Variants in RPA2 observed in about 807,000 individuals in gnomAD.
The protein encoded by RPA2 is replication protein A 32 kDa subunit.
Under a neutral mutation model 33.4 loss-of-function variants are expected in RPA2, and 22 were observed. The observed-to-expected ratio is 0.66, with a 90% CI of 0.47 to 0.94. The LOEUF (loss-of-function observed/expected upper bound fraction) is 0.94, where lower values mean the gene tolerates loss of function less well. Among genes scored for constraint, RPA2 ranks in the 40% least tolerant of loss-of-function variants. RPA2 has a pLI of 0.00. For missense variants in RPA2, 279 were observed against 329.9 expected (o/e 0.85, Z 1.19); for synonymous variants, 109 against 114.9 (o/e 0.95, Z 0.33).
At chr1:27,903,749 C>T (rs1254379170) in intron 4 of RPA2, among the ~76,000 whole-genome samples, 1 of 150,444 alleles carries the variant, frequency 6.6e-6, no homozygotes, top group Non-Finnish European at 1.5e-5. Context: ...AGCTCCTCAC[C>T]AGGCACGGTG....
intron 4 of RPA2, among the ~76,000 whole-genome samples, chr1:27,901,479 C>T (rs906669100): frequency 6.6e-6 from 1 of 151,912 alleles, no homozygotes; most frequent in African/African-American, 2.4e-5. Context: ...TCTCCTGCCT[C>T]AGCCTCCCAA....
At position 27,892,050 on chromosome 1, in the gene RPA2, A is replaced by T; in HGVS notation, c.*113T>A. The T allele has an allele frequency of 1.4e-6, 1 of 715,576 alleles. No individual in the cohort carries two copies. The highest frequency in any genetic ancestry group is 2.4e-6 in the Non-Finnish European group (1 of 420,556). 44.3% of individuals were successfully genotyped at this position (715,576 alleles called of 1,614,324 possible). On this transcript the variant is annotated 3_prime_UTR_variant, in exon 9 of 9. Coordinates refer to ENST00000373912, the MANE Select transcript of RPA2 (RefSeq NM_002946.5). ...AAGGAAGTCAGAGGAGACATTTGATAGATGAAACCTACTTCCTAGAAGCCC... is the reference window on the plus strand; with the variant it reads ...AAGGAAGTCAGAGGAGACATTTGATTGATGAAACCTACTTCCTAGAAGCCC...
At chr1:27,914,623 T>C (rs1320310579), upstream of RPA2, 4 of 1,613,798 alleles carry the variant, frequency 2.5e-6, no homozygotes, top group Non-Finnish European at 1.7e-6. Flanking sequence ...CAATCGGTGC[T>C]CACGGATGCT....
chr1:27,909,349 C>T (rs1231372859), intron 2 of RPA2, among the ~76,000 whole-genome samples: 2 of 152,176 alleles, frequency 1.3e-5, no homozygotes, highest in Non-Finnish European at 2.9e-5. Flanking sequence ...AAAGCAAGCT[C>T]AGTCAACCGC....
At chr1:27,901,249 C>T (rs1459426175) in intron 4 of RPA2, among the ~76,000 whole-genome samples, 1 of 152,246 alleles carries the variant, frequency 6.6e-6, no homozygotes, top group Non-Finnish European at 1.5e-5. Context: ...AACTACCACC[C>T]TCCTCAGTCA....
chr1:27,894,892 A>G (rs1030632494), intron 6 of RPA2, among the ~76,000 whole-genome samples: 44 of 152,024 alleles, frequency 2.9e-4, no homozygotes, highest in Admixed American at 1.2e-3. Context: ...TCAGCCCACC[A>G]TATTTGGGTT....
intron 4 of RPA2, among the ~76,000 whole-genome samples, chr1:27,902,570 C>T (rs1241313950): frequency 6.6e-6 from 1 of 152,068 alleles, no homozygotes; most frequent in Admixed American, 6.6e-5. Flanking sequence ...CAGGCATGAG[C>T]CACCGCACCT....
In RPA2 at chr1:27,914,479, T is replaced by TG. The variant is rs1231530802; in HGVS notation, c.-37dup. On this transcript the variant is annotated 5_prime_UTR_variant, in exon 1 of 9. Transcript: ENST00000373912. ...ATTCTCCGCAAAGAGGCCGAGAAGGTGCGGGTCTGGGGGAATAGCGGAAAA... is the reference window on the plus strand; with the variant it reads ...ATTCTCCGCAAAGAGGCCGAGAAGGTGGCGGGTCTGGGGGAATAGCGGAAAA... 1.3e-6 allele frequency: 2 copies of TG among 1,592,020 alleles called. No individual in the cohort carries two copies. The highest frequency in any genetic ancestry group is 1.7e-4 in the Middle Eastern group (1 of 5,920).
chr1:27,913,529 G>C (rs921562623), intron 2 of RPA2, among the ~76,000 whole-genome samples: 1 of 151,412 alleles, frequency 6.6e-6, no homozygotes, highest in Admixed American at 6.6e-5. Context: ...CGGAGGTTGC[G>C]GGGAGCCGAG....
At chr1:27,897,333 T>C (rs895303599) in intron 5 of RPA2, among the ~76,000 whole-genome samples, 9 of 152,166 alleles carry the variant, frequency 5.9e-5, no homozygotes, top group Non-Finnish European at 1.2e-4. Context: ...TTCCCAAGAT[T>C]GCATAACCAA....
chr1:27,907,116 T>C, intron 3 of RPA2, 65 bp downstream of exon 3: 1 of 1,575,914 alleles, frequency 6.3e-7, no homozygotes. Context: ...TTTGTATTTT[T>C]TAATGAAGTC....
chr1:27,904,841 G>A (rs895977772), intron 4 of RPA2, among the ~76,000 whole-genome samples: 1 of 152,006 alleles, frequency 6.6e-6, no homozygotes, highest in African/African-American at 2.4e-5. Context: ...TAGTAGAGAT[G>A]GAGTTTCATC....
intron 4 of RPA2, among the ~76,000 whole-genome samples, chr1:27,905,080 T>C (rs1385600187): frequency 6.6e-6 from 1 of 152,228 alleles, no homozygotes; most frequent in East Asian, 1.9e-4. Context: ...TTTCAGTCTA[T>C]TTTATCCATG....
At chr1:27,892,329 A>C in intron 8 of RPA2, 82 bp from the exon 9 acceptor site, 2 of 1,061,696 alleles carry the variant, frequency 1.9e-6, no homozygotes, top group Non-Finnish European at 2.9e-6. Flanking sequence ...CCAAATATGC[A>C]AACTTCGCTT....
chr1:27,897,929 G>A (rs1440587649), intron 4 of RPA2, among the ~76,000 whole-genome samples: 2 of 152,182 alleles, frequency 1.3e-5, no homozygotes, highest in African/African-American at 4.8e-5. Context: ...CCAAAGTTCT[G>A]TAGCACATCA....
chr1:27,897,319 A>G (rs1160271450), intron 5 of RPA2, among the ~76,000 whole-genome samples, 198 bp from the exon 6 acceptor site: 1 of 152,138 alleles, frequency 6.6e-6, no homozygotes, highest in African/African-American at 2.4e-5. Context: ...GGACATTAAT[A>G]ATTTTCCCAA....
intron 2 of RPA2, among the ~76,000 whole-genome samples, chr1:27,908,122 T>C (rs1296031622): frequency 1.3e-5 from 2 of 151,902 alleles, no homozygotes; most frequent in African/African-American, 4.8e-5. Context: ...TGTGAACCAC[T>C]GCCCTCGGCC....
rs188293794 is a variant in RPA2, at chr1:27,898,334, A to G, written c.334-627T>C. Among the ~76,000 whole-genome samples, 153 of 152,332 alleles carry G rather than the reference A, an allele frequency of 1.0e-3. 1 individual carries two copies. Among genetic ancestry groups the G allele is most frequent in the African/African-American group, 3.6e-3 (148 of 41,584 alleles). ...AAAGTACACATTTCTATATAATAGG[A>G]TACTCCACACTGTTGCAAATGATAA... On this transcript the variant is annotated intron_variant, in intron 4 of 8. Coordinates refer to ENST00000373912, the MANE Select transcript of RPA2 (RefSeq NM_002946.5).
At chr1:27,907,865 T>C (rs1379321621) in intron 2 of RPA2, among the ~76,000 whole-genome samples, 1 of 152,206 alleles carries the variant, frequency 6.6e-6, no homozygotes, top group Non-Finnish European at 1.5e-5. Flanking sequence ...TTTTTTTCTT[T>C]GAGACAGAGT....
Sources: allele counts gnomAD v4.1 joint callset (sites outside exome capture counted in the v4.1 genomes callset), GRCh38; gene constraint gnomAD v4.1.1; transcripts MANE v1.5; gene names NCBI Gene and HGNC (gene_info 2026-07-23, HGNC 2026-07-21).